ZMYM5: variants seen among roughly 807,000 people sequenced by gnomAD.
ZMYM5 encodes the protein zinc finger MYM-type containing 5.
Under a neutral mutation model 61.8 loss-of-function variants are expected in ZMYM5, and 41 were observed. That is an observed-to-expected ratio of 0.66 (90% confidence interval 0.52 to 0.86). The LOEUF is 0.86. ZMYM5 is among the 40% of genes least tolerant of loss of function. The pLI is 0.00. For synonymous variants in ZMYM5, 257 were observed against 276.4 expected, an observed-to-expected ratio of 0.93 and a Z score of 0.70; for missense variants, 706 against 786.7, an observed-to-expected ratio of 0.90 and a Z score of 1.23.
intron 4 of ZMYM5, 104 bp from the exon 5 acceptor site, chr13:19,839,089 G>A (rs746814985): frequency 2.0e-4 from 272 of 1,382,902 alleles, no homozygotes; most frequent in Non-Finnish European, 2.6e-4. Flanking sequence ...TGGGGCAGGC[G>A]TATAAACATG....
chr13:19,856,996 C>T (rs1009877415), intron 2 of ZMYM5, among the ~76,000 whole-genome samples: 4 of 152,014 alleles, frequency 2.6e-5, no homozygotes, highest in African/African-American at 7.2e-5. Context: ...GTCCCAGCTA[C>T]TCGGGAGGCT....
chr13:19,854,644 A>C (rs1407811469), intron 2 of ZMYM5, among the ~76,000 whole-genome samples: 9 of 151,656 alleles, frequency 5.9e-5, no homozygotes, highest in African/African-American at 2.2e-4. Flanking sequence ...AAAAAAAAAA[A>C]ACCTCAATGT....
chr13:19,837,297 ATG>A (rs932787798), intron 6 of ZMYM5, among the ~76,000 whole-genome samples: 3 of 151,940 alleles, frequency 2.0e-5, no homozygotes, highest in African/African-American at 7.2e-5. Flanking sequence ...GGGATTACAG[ATG>A]TGAGCCACCA....
chr13:19,830,601 T>C (rs1355883597), intron 7 of ZMYM5, among the ~76,000 whole-genome samples: 1 of 151,468 alleles, frequency 6.6e-6, no homozygotes, highest in African/African-American at 2.4e-5. Flanking sequence ...TGGCACCATC[T>C]TGGCTCACTG....
intron 4 of ZMYM5, among the ~76,000 whole-genome samples, chr13:19,839,957 G>T (rs757912414): frequency 1.3e-5 from 2 of 152,136 alleles, no homozygotes; most frequent in Non-Finnish European, 2.9e-5. Context: ...ATTACTTATA[G>T]GCGAGATCCT....
At position 19,852,323 on chromosome 13, in the gene ZMYM5, C is replaced by A. The variant is rs1953345108; in HGVS notation, c.-10-133G>T. 5 of 914,218 alleles carry A rather than the reference C, an allele frequency of 5.5e-6. No individual in the cohort carries two copies. The East Asian group carries it at 1.3e-4, about 24-fold the overall frequency. The allele number at this position is 914,218 out of a possible 1,614,324, so 56.6% of individuals were successfully genotyped here. ...TGATATCCATTTTGTTTTTCCTCTA[C>A]TGTTAACTAATGTTTACTTCAGAGC... On this transcript the variant is annotated intron_variant, in intron 2 of 7. Transcript: ENST00000337963.
chr13:19,844,801 T>C (rs997584843), intron 4 of ZMYM5, among the ~76,000 whole-genome samples: 1 of 152,152 alleles, frequency 6.6e-6, no homozygotes, highest in Non-Finnish European at 1.5e-5. Context: ...TTTTATATTT[T>C]TAGCAGAGAC....
intron 7 of ZMYM5, among the ~76,000 whole-genome samples, chr13:19,829,716 T>G (rs1396270604): frequency 6.6e-6 from 1 of 152,206 alleles, no homozygotes; most frequent in African/African-American, 2.4e-5. Flanking sequence ...CGCCTCAGTC[T>G]TTCTAGTAGC....
At chr13:19,837,034 T>TC (rs1195555999) in intron 6 of ZMYM5, among the ~76,000 whole-genome samples, 3 of 151,850 alleles carry the variant, frequency 2.0e-5, no homozygotes, top group Middle Eastern at 3.4e-3. Flanking sequence ...GTTTTTTTTT[T>TC]TTTCTTTCTT....
chr13:19,834,568 G>A (rs966857243), intron 7 of ZMYM5, among the ~76,000 whole-genome samples: 1 of 152,092 alleles, frequency 6.6e-6, no homozygotes, highest in African/African-American at 2.4e-5. Context: ...GATTACAGGC[G>A]TGAAGCACCT....
chr13:19,848,752 C>A (rs915724844), intron 4 of ZMYM5, among the ~76,000 whole-genome samples: 1 of 152,026 alleles, frequency 6.6e-6, no homozygotes, highest in Admixed American at 6.6e-5. Context: ...CCAGGGTGGT[C>A]TCAAAATCCT....
intron 4 of ZMYM5, among the ~76,000 whole-genome samples, chr13:19,842,655 T>TAA (rs568928054): frequency 2.2e-5 from 3 of 133,738 alleles, no homozygotes; most frequent in South Asian, 2.4e-4. Context: ...TTTTTTTAAT[T>TAA]AAAAAAAAAA....
At chr13:19,860,908 C>T (rs1308620640) in intron 2 of ZMYM5, among the ~76,000 whole-genome samples, 1 of 149,946 alleles carries the variant, frequency 6.7e-6, no homozygotes, top group Non-Finnish European at 1.5e-5. Context: ...TTGTATCTCC[C>T]ACTAACTATA....
At chr13:19,834,138 G>A (rs1334603148) in intron 7 of ZMYM5, among the ~76,000 whole-genome samples, 3 of 149,910 alleles carry the variant, frequency 2.0e-5, no homozygotes, top group East Asian at 1.9e-4. Flanking sequence ...CACCATGCCC[G>A]GCTTATTTTT....
At chr13:19,852,562 T>C (rs890734423) in intron 2 of ZMYM5, among the ~76,000 whole-genome samples, 1 of 152,210 alleles carries the variant, frequency 6.6e-6, no homozygotes, top group African/African-American at 2.4e-5. Flanking sequence ...GCATTTATGA[T>C]ATGGCCCTAT....
intron 6 of ZMYM5, 148 bp from the exon 7 acceptor site, chr13:19,835,837 T>C: frequency 1.9e-6 from 1 of 515,676 alleles, no homozygotes. Flanking sequence ...TTTTTTTTTT[T>C]TTCTGAGATA....
At position 19,837,696 on chromosome 13, in the gene ZMYM5, A is replaced by G. The variant is rs1952718182; in HGVS notation, c.998T>C (p.Phe333Ser). Residue 333 changes from phenylalanine to serine, a missense_variant, in exon 6 of 8, where the codon TTT (phenylalanine) becomes TCT (serine). By Grantham distance (155) the Phe-to-Ser change is radical. Around this residue, in one of 2 missense-constraint regions of ZMYM5, gnomAD observed 480 missense variants for 461.7 expected, o/e 1.04. Coordinates refer to ENST00000337963, the MANE Select transcript of ZMYM5 (RefSeq NM_001142684.2). ...ENNWNLKKGV[F>S]NKSRCTICSK... is the part of the protein sequence containing the mutation. ...ACAAATTGTACATCTTGACTTATTA[A>G]AAACTCCTTTTTTAAGATTCCAGTT... is the stretch of plus-strand genomic sequence containing the variant. 6.3e-7 allele frequency: 1 copy of G among 1,578,802 alleles called. No individual in the cohort carries two copies. The highest frequency in any genetic ancestry group is 8.5e-7 in the Non-Finnish European group (1 of 1,169,950).
At chr13:19,846,287 T>G (rs1343853082) in intron 4 of ZMYM5, among the ~76,000 whole-genome samples, 1 of 152,188 alleles carries the variant, frequency 6.6e-6, no homozygotes, top group African/African-American at 2.4e-5. Context: ...GTTATCTTAC[T>G]GAAAAGCAGA....
chr13:19,853,843 A>G (rs1289429296), intron 2 of ZMYM5, among the ~76,000 whole-genome samples: 1 of 151,788 alleles, frequency 6.6e-6, no homozygotes, highest in Non-Finnish European at 1.5e-5. Flanking sequence ...CAGCCTCCCA[A>G]AGTGTTGGGA....
Sources: allele counts gnomAD v4.1 joint callset (sites outside exome capture counted in the v4.1 genomes callset), GRCh38; gene constraint gnomAD v4.1.1; regional missense constraint gnomAD v4.1.1; transcripts MANE v1.5; gene names NCBI Gene and HGNC (gene_info 2026-07-23, HGNC 2026-07-21).